The following ABCC6 variants were observed in gnomAD, a reference collection of about 807,000 sequenced individuals.
ABCC6 encodes the protein ATP binding cassette subfamily C member 6, also known as ATP-binding cassette sub-family C member 6.
In ABCC6, 126 loss-of-function variants were observed where a neutral mutation model predicts 169.5. That is an observed-to-expected ratio of 0.74 (90% CI 0.64 to 0.86). ABCC6 has a LOEUF of 0.86. ABCC6 is among the 40% of genes least tolerant of loss of function. The pLI, the probability that ABCC6 is intolerant of heterozygous loss-of-function variation, is 0.00. For synonymous variants in ABCC6, 752 were observed against 814.7 expected (o/e 0.92, Z 1.31); for missense variants, 1,733 against 1,927.2 (o/e 0.90, Z 1.89).
chr16:16,165,179 G>A (rs1014967400), intron 23 of ABCC6, among the ~76,000 whole-genome samples: 2 of 152,244 alleles, frequency 1.3e-5, no homozygotes, highest in African/African-American at 4.8e-5. Context: ...GGGAGGCCAA[G>A]GTGGGAGGAT....
At chr16:16,156,850 G>A (rs979136773) in intron 27 of ABCC6, among the ~76,000 whole-genome samples, 4 of 151,036 alleles carry the variant, frequency 2.6e-5, no homozygotes, top group African/African-American at 9.7e-5. Context: ...GGCTGAGGCA[G>A]GAGAATCACT....
At chr16:16,203,883 C>A (rs1224569117) in intron 7 of ABCC6, among the ~76,000 whole-genome samples, 2 of 152,042 alleles carry the variant, frequency 1.3e-5, no homozygotes, top group Non-Finnish European at 2.9e-5. Flanking sequence ...GTGCCAGGCA[C>A]TCCCCAGTCA....
At position 16,165,247 on chromosome 16, in the gene ABCC6, C is replaced by G. The variant is rs552181144; in HGVS notation, c.3306+376G>C. 3.3e-5 allele frequency among the ~76,000 whole-genome samples: 5 copies of G among 152,194 alleles called. No homozygotes were observed. In the South Asian group the frequency reaches 1.0e-3, roughly 32 times the overall value. ...GCAACACAGGAAGACACTTGTCCTACAAAAATAAATTTAAAAATTAGCCAG... is the reference window on the plus strand; with the variant it reads ...GCAACACAGGAAGACACTTGTCCTAGAAAAATAAATTTAAAAATTAGCCAG... On this transcript the variant is annotated intron_variant, in intron 23 of 30. Transcript: ENST00000205557.
chr16:16,197,560 CAG>C (rs1019242113), intron 10 of ABCC6, among the ~76,000 whole-genome samples: 5 of 141,496 alleles, frequency 3.5e-5, no homozygotes, highest in Admixed American at 2.2e-4. Context: ...GGGAAGATGA[CAG>C]GGAGCAGAAA....
At chr16:16,194,421 T>C (rs1175984656) in intron 10 of ABCC6, among the ~76,000 whole-genome samples, 1 of 152,256 alleles carries the variant, frequency 6.6e-6, no homozygotes, top group East Asian at 1.9e-4. Flanking sequence ...CACACTTCAC[T>C]GAATGTCCTG....
intron 6 of ABCC6, among the ~76,000 whole-genome samples, chr16:16,211,293 C>A (rs1038323439): frequency 6.6e-6 from 1 of 151,624 alleles, no homozygotes; most frequent in Non-Finnish European, 1.5e-5. Context: ...CTCAGCTACT[C>A]GGGAGGCTGA....
chr16:16,159,459 C>A (rs1325684762), intron 26 of ABCC6, 23 bp downstream of exon 26: 1 of 1,610,718 alleles, frequency 6.2e-7, no homozygotes, highest in Admixed American at 1.7e-5. Context: ...GCTGGGACCC[C>A]CTCCCCACCT....
Position 16,219,838 on chromosome 16 carries a change from A to G in ABCC6, c.329T>C (p.Val110Ala). 1 of 1,424,354 alleles carries G rather than the reference A, an allele frequency of 7.0e-7. No homozygotes were observed. Among genetic ancestry groups the G allele is most frequent in the African/African-American group, 1.4e-5 (1 of 69,768 alleles). 88.2% of individuals were successfully genotyped at this position (1,424,354 alleles called of 1,614,324 possible). ...EAPEFLIHPT[V>A]WLTTMSFAVF... ...CATCATTACCATCGTGGTGAGCCACACAGTAGGATGAATGAGGAATTCTGG... is the reference window on the plus strand; with the variant it reads ...CATCATTACCATCGTGGTGAGCCACGCAGTAGGATGAATGAGGAATTCTGG... Residue 110 changes from valine to alanine, a missense_variant, in exon 3 of 31, where the codon GTG (valine) becomes GCG (alanine). Val to Ala is a moderately conservative substitution (Grantham distance 64). This residue lies in a region of ABCC6 where 17 missense variants were observed against 108.1 expected (regional missense o/e 0.16). Coordinates refer to ENST00000205557, the MANE Select transcript of ABCC6 (RefSeq NM_001171.6).
At chr16:16,192,170 G>A (rs1244794922) in intron 11 of ABCC6, among the ~76,000 whole-genome samples, 2 of 152,188 alleles carry the variant, frequency 1.3e-5, no homozygotes, top group African/African-American at 4.8e-5. Flanking sequence ...GATCCAGGTG[G>A]AGGGAACAGC....
chr16:16,185,479 AG>A (rs970159021), intron 14 of ABCC6, among the ~76,000 whole-genome samples: 1 of 152,132 alleles, frequency 6.6e-6, no homozygotes, highest in Non-Finnish European at 1.5e-5. Flanking sequence ...CCCAGAGTGA[AG>A]GGGGTGTTAT....
At chr16:16,221,441 G>A in intron 2 of ABCC6, 3 of 1,444,080 alleles carry the variant, frequency 2.1e-6, no homozygotes, top group Non-Finnish European at 2.7e-6. Context: ...GCGCATGCGT[G>A]GATTTTCGGA....
intron 19 of ABCC6, 83 bp downstream of exon 19, chr16:16,177,369 T>C: frequency 1.3e-6 from 2 of 1,531,508 alleles, no homozygotes; most frequent in South Asian, 1.1e-5. Flanking sequence ...AGCACTCCAT[T>C]CATGCCAGTA....
intron 29 of ABCC6, 113 bp downstream of exon 29, chr16:16,154,512 AATG>A: frequency 7.7e-7 from 1 of 1,291,476 alleles, no homozygotes; most frequent in Non-Finnish European, 1.1e-6. Context: ...TGTGGTTATT[AATG>A]TAACAGAGTG....
chr16:16,157,079 G>C (rs982542769), intron 27 of ABCC6, among the ~76,000 whole-genome samples: 8 of 152,050 alleles, frequency 5.3e-5, no homozygotes, highest in Non-Finnish European at 1.2e-4. Context: ...GGGATTCAGT[G>C]AAGGGGCCTG....
At chr16:16,201,360 G>A (rs561527419) in intron 9 of ABCC6, among the ~76,000 whole-genome samples, 1 of 152,356 alleles carries the variant, frequency 6.6e-6, no homozygotes, top group South Asian at 2.1e-4. Flanking sequence ...AAGGGGGAAT[G>A]AGTGGAAGTT....
chr16:16,168,043 G>A (rs2046931209), intron 22 of ABCC6, among the ~76,000 whole-genome samples: 1 of 152,228 alleles, frequency 6.6e-6, no homozygotes, highest in Non-Finnish European at 1.5e-5. Flanking sequence ...GTGAGTAGGT[G>A]TACAGGTTCT....
chr16:16,201,204 T>A (rs1466604038), intron 9 of ABCC6, among the ~76,000 whole-genome samples: 1 of 152,146 alleles, frequency 6.6e-6, no homozygotes, highest in East Asian at 1.9e-4. Context: ...TGACCTCAAG[T>A]GATCCGCCTG....
chr16:16,150,681 G>T lies in ABCC6; in HGVS notation c.4300C>A (p.Pro1434Thr). 2 of 1,613,796 alleles carry T rather than the reference G, an allele frequency of 1.2e-6. No homozygotes were observed. Among genetic ancestry groups the T allele is most frequent in the South Asian group, 2.2e-5 (2 of 91,004 alleles). Residue 1434 changes from proline (P) to threonine (T), a missense_variant, in exon 30 of 31, where the codon CCT becomes ACT. This residue lies in a region of ABCC6 where 1,601 missense variants were observed against 1,635.5 expected (regional missense o/e 0.98). Coordinates refer to ENST00000205557, the MANE Select transcript of ABCC6 (RefSeq NM_001171.6). ...GCCTGCATCTGCAGCTCCGTGCCAG[G>T]GTCCACGGCAGCAGTAGCCTCGTCC... ...ILDEATAAVD[P>T]GTELQMQAML...
At chr16:16,159,444 T>C in intron 26 of ABCC6, 38 bp downstream of exon 26, 1 of 1,516,886 alleles carries the variant, frequency 6.6e-7, no homozygotes, top group Non-Finnish European at 9.1e-7. Context: ...CCACAATATG[T>C]CCTTGCTGGG....
Sources: gnomAD v4.1 joint callset for allele counts (sites outside exome capture counted in the v4.1 genomes callset) on GRCh38, gnomAD v4.1.1 for gene constraint, gnomAD v4.1.1 regional missense constraint, MANE v1.5 for transcripts, NCBI Gene and HGNC (gene_info 2026-07-23, HGNC 2026-07-21) for gene names.